KLHL36: variants seen among roughly 807,000 people sequenced by gnomAD.
KLHL36 encodes the protein kelch-like protein 36.
KLHL36 carries 35 observed loss-of-function variants against 53.3 expected under a neutral mutation model. The ratio of observed to expected loss-of-function variants is 0.66; its 90% CI spans 0.50 to 0.87. The LOEUF (loss-of-function observed/expected upper bound fraction) is 0.87. Ranked by LOEUF, KLHL36 falls within the 40% of genes least tolerant of loss-of-function variation. The probability of loss-of-function intolerance (pLI) is 0.00; values close to 1 mark genes in which losing one functional copy is unlikely to be tolerated. For missense variants in KLHL36, 864 were observed against 897.6 expected (o/e 0.96, Z 0.48); for synonymous variants, 472 against 398.9 (o/e 1.18, Z -2.18).
chr16:84,652,112 C>G (rs977179220), intron 2 of KLHL36, among the ~76,000 whole-genome samples: 1 of 152,198 alleles, frequency 6.6e-6, no homozygotes, highest in Non-Finnish European at 1.5e-5. Flanking sequence ...GCCGCTCGCT[C>G]ACAAGGGCTT....
Position 84,657,721 on chromosome 16 carries a change from C to T in KLHL36, c.914C>T (p.Ser305Phe). 6.2e-7 allele frequency: 1 copy of T among 1,612,500 alleles called. No homozygotes were observed. Among genetic ancestry groups the T allele is most frequent in the Non-Finnish European group, 8.5e-7 (1 of 1,179,732 alleles). Residue 305 changes from serine (S) to phenylalanine (F), a missense_variant, in exon 3 of 5, where the codon TCC becomes TTC. By Grantham distance (155) the Ser-to-Phe change is radical (BLOSUM62 -2). Coordinates refer to ENST00000564996, the MANE Select transcript of KLHL36 (RefSeq NM_024731.4). Reference sequence around the variant, plus strand: ...CTGCTGTTTGTGGGCGGCGAGGTCTCCGAGCGGTGTCTGGAGCTCAGTGAC... The same window carrying T: ...CTGCTGTTTGTGGGCGGCGAGGTCTTCGAGCGGTGTCTGGAGCTCAGTGAC... ...ERLLFVGGEV[S>F]ERCLELSDDT...
chr16:84,659,983 G>C, intron 4 of KLHL36, 66 bp downstream of exon 4: 1 of 1,453,474 alleles, frequency 6.9e-7, no homozygotes, highest in Non-Finnish European at 9.4e-7. Flanking sequence ...TTCAGTCCAC[G>C]TGCCTCACTT....
chr16:84,665,707 G>A lies in KLHL36; in HGVS notation c.*3574G>A, dbSNP rs979794281. On this transcript the variant is annotated 3_prime_UTR_variant, in exon 5 of 5. Transcript: ENST00000564996. ...CCTTTGAGGTGGGCATCCAGATGCT[G>A]AGGGGAAGTGGGGTCCATCCTCTGA... 1 of 152,292 alleles carries A rather than the reference G, an allele frequency of 6.6e-6. No individual in the cohort carries two copies. Among genetic ancestry groups the A allele is most frequent in the Admixed American group, 6.5e-5 (1 of 15,290 alleles). The allele number at this position is 152,292 out of a possible 1,614,324, so 9.4% of individuals were successfully genotyped here. A position where few individuals can be genotyped will look rare whatever the true frequency, so the allele number is the denominator to read the frequency against.
chr16:84,656,408 T>G (rs973062012), intron 2 of KLHL36, among the ~76,000 whole-genome samples: 5 of 151,300 alleles, frequency 3.3e-5, no homozygotes, highest in African/African-American at 1.2e-4. Flanking sequence ...TAGCTAGGAT[T>G]ACAGGCACAC....
In KLHL36 at chr16:84,665,578, A is replaced by G. The variant is rs909824830; in HGVS notation, c.*3445A>G. On this transcript the variant is annotated 3_prime_UTR_variant, in exon 5 of 5. Transcript: ENST00000564996. ...TTGAGGCTATCAAGTGGGACTTCAGACCTGGCTCTGAGCAGGACCACACGT... is the reference window on the plus strand; with the variant it reads ...TTGAGGCTATCAAGTGGGACTTCAGGCCTGGCTCTGAGCAGGACCACACGT... 11 of 152,180 alleles carry G rather than the reference A, an allele frequency of 7.2e-5. No individual in the cohort carries two copies. The highest frequency in any genetic ancestry group is 2.4e-4 in the African/African-American group (10 of 41,422). 9.4% of individuals were successfully genotyped at this position (152,180 alleles called of 1,614,324 possible).
chr16:84,657,268 T>C lies in KLHL36; in HGVS notation c.461T>C (p.Leu154Pro). The change falls in exon 3 of 5, where the codon CTG becomes CCG. Residue 154 changes from leucine (L) to proline (P), a missense_variant. Coordinates refer to ENST00000564996, the MANE Select transcript of KLHL36 (RefSeq NM_024731.4). Reference sequence around the variant, plus strand: ...GACAACTACCTGTACCTGCAGGAGCTGGCCTCCATCTACAGCCTCAAGCGG... The same window carrying C: ...GACAACTACCTGTACCTGCAGGAGCCGGCCTCCATCTACAGCCTCAAGCGG... ...SEDNYLYLQE[L>P]ASIYSLKRLD... The C allele has an allele frequency of 6.2e-7, 1 of 1,614,180 alleles. No homozygotes were observed. The highest frequency in any genetic ancestry group is 8.5e-7 in the Non-Finnish European group (1 of 1,180,036).
At chr16:84,660,030 C>T (rs997231387) in intron 4 of KLHL36, 113 bp downstream of exon 4, 6 of 1,085,748 alleles carry the variant, frequency 5.5e-6, no homozygotes, top group Non-Finnish European at 8.1e-6. Context: ...GGAATGAAAT[C>T]TTCCGGCTTG....
Position 84,666,017 on chromosome 16 carries a change from T to G in KLHL36, c.*3884T>G, listed in dbSNP as rs1907814446. 6.6e-6 allele frequency: 1 copy of G among 152,124 alleles called. No homozygotes were observed. Among genetic ancestry groups the G allele is most frequent in the Non-Finnish European group, 1.5e-5 (1 of 68,042 alleles). 9.4% of individuals were successfully genotyped at this position (152,124 alleles called of 1,614,324 possible). On this transcript the variant is annotated 3_prime_UTR_variant, in exon 5 of 5. Transcript: ENST00000564996. The stretch of plus-strand genomic sequence containing the variant: ...GGCAGCTGCAGATGAGGTTTAGACC[T>G]CCTGGTGTCTCCGTGGATTCTGAGT...
In KLHL36 at chr16:84,663,962, T is replaced by C. The variant is rs541084714; in HGVS notation, c.*1829T>C. 20 of 152,300 alleles carry C rather than the reference T, an allele frequency of 1.3e-4. No individual in the cohort carries two copies. The highest frequency in any genetic ancestry group is 4.3e-4 in the African/African-American group (18 of 41,560). The allele number at this position is 152,300 out of a possible 1,614,324, so 9.4% of individuals were successfully genotyped here. On this transcript the variant is annotated 3_prime_UTR_variant, in exon 5 of 5. Coordinates refer to ENST00000564996, the MANE Select transcript of KLHL36 (RefSeq NM_024731.4). ...GTGAAGTCCCTGGAGGCTTACAAACTGTTGAGAGGTTCTGCGAGGCATACA... is the reference window on the plus strand; with the variant it reads ...GTGAAGTCCCTGGAGGCTTACAAACCGTTGAGAGGTTCTGCGAGGCATACA...
At position 84,661,884 on chromosome 16, in the gene KLHL36, C is replaced by G. The variant is rs12928590; in HGVS notation, c.1602C>G (p.His534Gln). The G allele has an allele frequency of 1.5e-5, 24 of 1,599,174 alleles. No homozygotes were observed. Among genetic ancestry groups the G allele is most frequent in the Non-Finnish European group, 1.9e-5 (22 of 1,169,128 alleles). Reference protein sequence around the residue: ...NQWTRVAPLLHANSESGVAVW... With the variant: ...NQWTRVAPLLQANSESGVAVW... The stretch of plus-strand genomic sequence containing the variant: ...GGACCCGCGTGGCGCCGCTGCTGCA[C>G]GCCAACAGCGAGTCGGGCGTGGCAG... The change falls in exon 5 of 5, where the codon CAC (histidine) becomes CAG (glutamine). Residue 534 changes from histidine (H) to glutamine (Q), a missense_variant. Transcript: ENST00000564996. This position sits in a 1 kb window ranked among gnomAD's most constrained non-coding sequence, Gnocchi z 7.9.
At chr16:84,653,295 AG>A in intron 2 of KLHL36, among the ~76,000 whole-genome samples, 1 of 152,218 alleles carries the variant, frequency 6.6e-6, no homozygotes, top group Non-Finnish European at 1.5e-5. Flanking sequence ...GCCTCCTCCC[AG>A]GTGTAAGCCC....
chr16:84,649,738 C>A (rs1009219585), intron 1 of KLHL36, among the ~76,000 whole-genome samples: 10 of 152,232 alleles, frequency 6.6e-5, no homozygotes, highest in Admixed American at 6.5e-4. Flanking sequence ...GAGTGCCCTC[C>A]CTGTGTCCCC....
chr16:84,665,589 A>G lies in KLHL36; in HGVS notation c.*3456A>G, dbSNP rs1907794520. On this transcript the variant is annotated 3_prime_UTR_variant, in exon 5 of 5. Coordinates refer to ENST00000564996, the MANE Select transcript of KLHL36 (RefSeq NM_024731.4). The stretch of plus-strand genomic sequence containing the variant: ...AAGTGGGACTTCAGACCTGGCTCTG[A>G]GCAGGACCACACGTGTGTATTTATA... The G allele has an allele frequency of 6.6e-6, 1 of 152,184 alleles. No homozygotes were observed. Among genetic ancestry groups the G allele is most frequent in the African/African-American group, 2.4e-5 (1 of 41,438 alleles). 9.4% of individuals were successfully genotyped at this position (152,184 alleles called of 1,614,324 possible).
At chr16:84,651,278 A>C (rs1906859003) in intron 2 of KLHL36, among the ~76,000 whole-genome samples, 1 of 152,192 alleles carries the variant, frequency 6.6e-6, no homozygotes, top group Admixed American at 6.5e-5. Flanking sequence ...AAAAACTCCA[A>C]GGACAGGTCC....
rs753612362 is a variant in KLHL36 at position 84,657,296 on chromosome 16, T to C, written c.489T>C (p.Leu163=). 3 of 1,614,040 alleles carry C rather than the reference T, an allele frequency of 1.9e-6. No homozygotes were observed. The highest frequency in any genetic ancestry group is 1.1e-5 in the South Asian group (1 of 91,090). Residue 163 remains leucine, a synonymous_variant, in exon 3 of 5, where the codon CTT becomes CTC. Coordinates refer to ENST00000564996, the MANE Select transcript of KLHL36 (RefSeq NM_024731.4). ...ELASIYSLKR[L]DAFIDGFILN... is the part of the protein sequence containing the mutation. ...CCTCCATCTACAGCCTCAAGCGGCTTGATGCCTTCATCGATGGCTTCATCC... is the reference window on the plus strand; with the variant it reads ...CCTCCATCTACAGCCTCAAGCGGCTCGATGCCTTCATCGATGGCTTCATCC...
Position 84,662,229 on chromosome 16 carries a change from A to T in KLHL36, c.*96A>T. 1 of 1,105,046 alleles carries T rather than the reference A, an allele frequency of 9.0e-7. No homozygotes were observed. Among genetic ancestry groups the T allele is most frequent in the Middle Eastern group, 2.1e-4 (1 of 4,752 alleles). The allele number at this position is 1,105,046 out of a possible 1,614,324, so 68.5% of individuals were successfully genotyped here. On this transcript the variant is annotated 3_prime_UTR_variant, in exon 5 of 5. Coordinates refer to ENST00000564996, the MANE Select transcript of KLHL36 (RefSeq NM_024731.4). Reference sequence around the variant, plus strand: ...TAGTATTCCGGAAACATTATGTACAACTTAGCAGCTTTTTTTACTTTTATG... The same window carrying T: ...TAGTATTCCGGAAACATTATGTACATCTTAGCAGCTTTTTTTACTTTTATG...
rs763889096 is a variant in KLHL36 at position 84,650,941 on chromosome 16, G to T, written c.63+11G>T. The T allele has an allele frequency of 3.1e-6, 5 of 1,604,712 alleles. No homozygotes were observed. The South Asian group carries it at 5.6e-5, about 18-fold the overall frequency. On this transcript the variant is annotated intron_variant, in intron 2 of 4. Transcript: ENST00000564996. ...AGCGAATCATCAAAGGTCTGTGAAT[G>T]TTCACTCACCACCTATGCAAATTGC...
At position 84,656,885 on chromosome 16, in the gene KLHL36, C is replaced by G. The variant is rs760695517; in HGVS notation, c.78C>G (p.Ala26=). 6.2e-7 allele frequency: 1 copy of G among 1,608,382 alleles called. No individual in the cohort carries two copies. Among genetic ancestry groups the G allele is most frequent in the Non-Finnish European group, 8.5e-7 (1 of 1,177,160 alleles). Residue 26 remains alanine, a synonymous_variant, in exon 3 of 5, where the codon GCC becomes GCG. Coordinates refer to ENST00000564996, the MANE Select transcript of KLHL36 (RefSeq NM_024731.4). ...TCTCTGTCCAGGTATACCGCTGGGC[C>G]GACCACTCAAGCACGGTGCTGCAGC... is the stretch of plus-strand genomic sequence containing the variant. ...ISESSKVYRW[A]DHSSTVLQRL... is the part of the protein sequence containing the mutation.
chr16:84,662,061 C>T lies in KLHL36; in HGVS notation c.1779C>T (p.Cys593=), dbSNP rs149808925. Residue 593 remains cysteine (C), a synonymous_variant, in exon 5 of 5, where the codon TGC becomes TGT. Transcript: ENST00000564996. ...TCGCTGGCGGGTCCGCCTGTGTCTG[C>T]GCCCTGGAGCCACGGCCAGAGGACA... ...KAIAGGSACV[C]ALEPRPEDKK... 1.7e-4 allele frequency: 270 copies of T among 1,579,136 alleles called. 1 individual carries two copies. The African/African-American group carries it at 3.3e-3, about 19-fold the overall frequency.
Sources: gnomAD v4.1 joint callset for allele counts (sites outside exome capture counted in the v4.1 genomes callset) on GRCh38, gnomAD v4.1.1 for gene constraint, Gnocchi (gnomAD v3.1) non-coding constraint, MANE v1.5 for transcripts, NCBI Gene and HGNC (gene_info 2026-07-23, HGNC 2026-07-21) for gene names.